Variants in ANKRD65 observed in about 807,000 individuals in gnomAD.
The protein encoded by ANKRD65 is ankyrin repeat domain 65, also known as ankyrin repeat domain-containing protein 65.
A neutral mutation model predicts 17.2 loss-of-function variants in ANKRD65; 26 were observed. That is an observed-to-expected ratio of 1.51 (90% confidence interval 1.11 to 2.09). ANKRD65 has a LOEUF of 2.09. Ranked by LOEUF, ANKRD65 falls within the 30% of genes most tolerant of loss-of-function variation. The pLI is 0.00. For synonymous variants in ANKRD65, 311 were observed against 272.2 expected, an observed-to-expected ratio of 1.14 and a Z score of -1.40; for missense variants, 621 against 542.2, an observed-to-expected ratio of 1.15 and a Z score of -1.44.
At position 1,420,575 on chromosome 1, in the gene ANKRD65, G is replaced by C. The variant is rs1645535588; in HGVS notation, c.227C>G (p.Thr76Ser). The C allele has an allele frequency of 7.3e-7, 1 of 1,376,274 alleles. No individual in the cohort carries two copies. Among genetic ancestry groups the C allele is most frequent in the East Asian group, 2.7e-5 (1 of 36,822 alleles). 85.3% of individuals were successfully genotyped at this position (1,376,274 alleles called of 1,614,324 possible). A position where few individuals can be genotyped will look rare whatever the true frequency, so the allele number is the denominator to read the frequency against. The change falls in exon 3 of 4, where the codon ACC (threonine) becomes AGC (serine). Residue 76 changes from threonine to serine, a missense_variant. Coordinates refer to ENST00000537107, the MANE Select transcript of ANKRD65 (RefSeq NM_001145210.3). Reference protein sequence around the residue: ...SVEERDHAGRTPLHLAVLRGH... With the variant: ...SVEERDHAGRSPLHLAVLRGH... The stretch of plus-strand genomic sequence containing the variant: ...CCGCAGCACGGCCAGGTGGAGCGGG[G>C]TCCGGCCTGCGTGGTCCCTGAGGAG...
At position 1,418,983 on chromosome 1, in the gene ANKRD65, C is replaced by T; in HGVS notation, c.*117G>A. ...ACTGCAGCTCAAGCCACATCCCCTA[C>T]TTTCTCCCATCCCCTCCTCCGGAAG... On this transcript the variant is annotated 3_prime_UTR_variant, in exon 4 of 4. Transcript: ENST00000537107. 1 of 1,218,512 alleles carries T rather than the reference C, an allele frequency of 8.2e-7. No homozygotes were observed. Among genetic ancestry groups the T allele is most frequent in the South Asian group, 1.6e-5 (1 of 60,892 alleles). 75.5% of individuals were successfully genotyped at this position (1,218,512 alleles called of 1,614,324 possible).
chr1:1,419,521 G>A lies in ANKRD65; in HGVS notation c.779C>T (p.Ala260Val), dbSNP rs1645506353. Residue 260 changes from alanine (A) to valine (V), a missense_variant, in exon 4 of 4, where the codon GCA becomes GTA. Physicochemically the swap from Ala to Val is moderately conservative, Grantham distance 64. Coordinates refer to ENST00000537107, the MANE Select transcript of ANKRD65 (RefSeq NM_001145210.3). ...ATGCCTGTCCCTGATGCCTGGGTCT[G>A]CCCCGTGGCCCAGCAGCACCTCAAT... ...QDIEVLLGHGADPGIRDRHGR... is the reference protein window; with the variant it reads ...QDIEVLLGHGVDPGIRDRHGR... 2 of 1,537,146 alleles carry A rather than the reference G, an allele frequency of 1.3e-6. No homozygotes were observed. The highest frequency in any genetic ancestry group is 2.4e-5 in the South Asian group (2 of 83,816).
rs1433530638 is a variant in ANKRD65, at chr1:1,419,309, T to C, written c.991A>G (p.Thr331Ala). 6.5e-7 allele frequency: 1 copy of C among 1,550,268 alleles called. No homozygotes were observed. The highest frequency in any genetic ancestry group is 2.4e-5 in the East Asian group (1 of 40,898). The change falls in exon 4 of 4, where the codon ACC becomes GCC. Residue 331 changes from threonine to alanine, a missense_variant. Coordinates refer to ENST00000537107, the MANE Select transcript of ANKRD65 (RefSeq NM_001145210.3). ...LLDRGAQVDA[T>A]GWLRKTPLHL... ...AGGGGGGTCTTTCGGAGCCAGCCGG[T>C]AGCATCCACCTGGGCACCCCTGTCC...
In ANKRD65 at chr1:1,420,368, T is replaced by A; in HGVS notation, c.434A>T (p.His145Leu). ...CGTGTGGCCCAGGGCAGCGGCCCAG[T>A]GCAGCGGCGTGAGGCCCGTCCCGGA... ...ARSGTGLTPLHWAAALGHTLL... is the reference protein window; with the variant it reads ...ARSGTGLTPLLWAAALGHTLL... The change falls in exon 3 of 4, where the codon CAC becomes CTC. Residue 145 changes from histidine to leucine, a missense_variant. Coordinates refer to ENST00000537107, the MANE Select transcript of ANKRD65 (RefSeq NM_001145210.3). The A allele has an allele frequency of 7.8e-7, 1 of 1,277,542 alleles. No individual in the cohort carries two copies. Among genetic ancestry groups the A allele is most frequent in the Non-Finnish European group, 9.9e-7 (1 of 1,005,314 alleles). The allele number at this position is 1,277,542 out of a possible 1,614,324, so 79.1% of individuals were successfully genotyped here.
At chr1:1,420,710 A>G in intron 2 of ANKRD65, 87 bp downstream of exon 2, 1 of 1,353,328 alleles carries the variant, frequency 7.4e-7, no homozygotes, top group East Asian at 3.3e-5. Context: ...CCATCCAGAG[A>G]AGGGACTCCT....
Position 1,419,113 on chromosome 1 carries a change from T to A in ANKRD65, c.1187A>T (p.Glu396Val), listed in dbSNP as rs546787962. The A allele has an allele frequency of 8.9e-5, 134 of 1,513,232 alleles. No homozygotes were observed. In the African/African-American group the frequency reaches 1.7e-3, roughly 19 times the overall value. 93.7% of individuals were successfully genotyped at this position (1,513,232 alleles called of 1,614,324 possible). Residue 396 changes from glutamate to valine, a missense_variant, in exon 4 of 4, where the codon GAG (glutamate) becomes GTG (valine). Physicochemically the swap from Glu to Val is moderately radical, Grantham distance 121. Coordinates refer to ENST00000537107, the MANE Select transcript of ANKRD65 (RefSeq NM_001145210.3). ...GGGEKECEGIESTG is the reference protein window; with the variant it reads ...GGGEKECEGIVSTG ...CTGCTGTCTGGCTCAGCCCGTGGACTCTATGCCCTCACACTCCTTCTCCCC... is the reference window on the plus strand; with the variant it reads ...CTGCTGTCTGGCTCAGCCCGTGGACACTATGCCCTCACACTCCTTCTCCCC...
At chr1:1,420,751 G>T in intron 2 of ANKRD65, 46 bp downstream of exon 2, 1 of 1,488,042 alleles carries the variant, frequency 6.7e-7, no homozygotes, top group African/African-American at 1.4e-5. Flanking sequence ...CCCCCATCCT[G>T]CCCCACCCAG....
rs2100426826 is a variant in ANKRD65, at chr1:1,420,676, CAG to C, written c.210-86_210-85del. 7 of 1,363,910 alleles carry C rather than the reference CAG, an allele frequency of 5.1e-6. No individual in the cohort carries two copies. The South Asian group carries it at 6.4e-5, about 12-fold the overall frequency. The allele number at this position is 1,363,910 out of a possible 1,614,324, so 84.5% of individuals were successfully genotyped here. On this transcript the variant is annotated intron_variant, in intron 2 of 3. Coordinates refer to ENST00000537107, the MANE Select transcript of ANKRD65 (RefSeq NM_001145210.3). ...GCCCCACCCCGTCCTGCCGCCCACC[CAG>C]CGCTGGGACCCCCGTCCTACCCCAT...
In ANKRD65 at chr1:1,420,063, C is replaced by CCTT. The variant is rs1271132101; in HGVS notation, c.738_739insAAG (p.Leu246_Gly247insLys). 7.8e-7 allele frequency: 1 copy of CCTT among 1,288,260 alleles called. No homozygotes were observed. The highest frequency in any genetic ancestry group is 9.8e-7 in the Non-Finnish European group (1 of 1,019,604). 79.8% of individuals were successfully genotyped at this position (1,288,260 alleles called of 1,614,324 possible). ...AGGGCGGGACGTACCTGGGAGCGGC[C>CCTT]TAGGGCGGCCGCCAGACCCAGCGCT... On this transcript the variant is annotated inframe_insertion, in exon 3 of 4. Coordinates refer to ENST00000537107, the MANE Select transcript of ANKRD65 (RefSeq NM_001145210.3).
chr1:1,419,074 G>T lies in ANKRD65; in HGVS notation c.*26C>A. 2 of 1,463,456 alleles carry T rather than the reference G, an allele frequency of 1.4e-6. No individual in the cohort carries two copies. The highest frequency in any genetic ancestry group is 1.8e-6 in the Non-Finnish European group (2 of 1,100,642). The allele number at this position is 1,463,456 out of a possible 1,614,324, so 90.7% of individuals were successfully genotyped here. The stretch of plus-strand genomic sequence containing the variant: ...AGAGAGCCTGGAAATCACTGGGGCG[G>T]TGGAGCCTGGAGCCTGCTGTCTGGC... On this transcript the variant is annotated 3_prime_UTR_variant, in exon 4 of 4. Transcript: ENST00000537107.
chr1:1,420,829 C>T lies in ANKRD65; in HGVS notation c.177G>A (p.Gln59=). 1 of 1,549,020 alleles carries T rather than the reference C, an allele frequency of 6.5e-7. No homozygotes were observed. The highest frequency in any genetic ancestry group is 8.7e-7 in the Non-Finnish European group (1 of 1,146,790). Reference sequence around the variant, plus strand: ...CCACGCTGGCACCTTGCCGCAGCAGCTGCGTCACCAGGCCTGCAGGGCCCC... The same window carrying T: ...CCACGCTGGCACCTTGCCGCAGCAGTTGCGTCACCAGGCCTGCAGGGCCCC... The part of the protein sequence containing the change: ...VWRGPAGLVT[Q]LLRQGASVEE... The change falls in exon 2 of 4, where the codon CAG becomes CAA. Residue 59 remains glutamine, a synonymous_variant. Transcript: ENST00000537107.
chr1:1,419,481 C>T lies in ANKRD65; in HGVS notation c.819G>A (p.Leu273=). ...GGTGTCCTCGGGCGGCAGCCCTGTGCAGCGCAGAGCGGCCATGCCTGTCCC... is the reference window on the plus strand; with the variant it reads ...GGTGTCCTCGGGCGGCAGCCCTGTGTAGCGCAGAGCGGCCATGCCTGTCCC... ...GIRDRHGRSA[L]HRAAARGHLL... Residue 273 remains leucine (L), a synonymous_variant, in exon 4 of 4, where the codon CTG becomes CTA. Coordinates refer to ENST00000537107, the MANE Select transcript of ANKRD65 (RefSeq NM_001145210.3). 4 of 1,546,842 alleles carry T rather than the reference C, an allele frequency of 2.6e-6. No homozygotes were observed. The highest frequency in any genetic ancestry group is 3.9e-5 in the Admixed American group (2 of 50,990).
chr1:1,420,488 C>T lies in ANKRD65; in HGVS notation c.314G>A (p.Arg105Gln), dbSNP rs1056359341. 16 of 1,273,400 alleles carry T rather than the reference C, an allele frequency of 1.3e-5. No homozygotes were observed. Among genetic ancestry groups the T allele is most frequent in the African/African-American group, 7.8e-5 (5 of 63,990 alleles). The allele number at this position is 1,273,400 out of a possible 1,614,324, so 78.9% of individuals were successfully genotyped here. The change falls in exon 3 of 4, where the codon CGG (arginine) becomes CAG (glutamine). Residue 105 changes from arginine to glutamine, a missense_variant. Arg to Gln is a conservative substitution (Grantham distance 43). Transcript: ENST00000537107. ...QRGAPVGAVD[R>Q]AGRTALHEAA... ...CTCGTGCAGCGCGGTGCGCCCCGCCCGGTCCACCGCGCCCACCGGGGCCCC... is the reference window on the plus strand; with the variant it reads ...CTCGTGCAGCGCGGTGCGCCCCGCCTGGTCCACCGCGCCCACCGGGGCCCC...
rs1389536565 is a variant in ANKRD65, at chr1:1,420,178, G to T, written c.624C>A (p.Leu208=). Residue 208 remains leucine, a synonymous_variant, in exon 3 of 4, where the codon CTC becomes CTA. Coordinates refer to ENST00000537107, the MANE Select transcript of ANKRD65 (RefSeq NM_001145210.3). Reference sequence around the variant, plus strand: ...CCCCGCGCCCCGCAGCGGCAGCCACGAGCAGGGCGCCGTCCAGGCCCGCGC... The same window carrying T: ...CCCCGCGCCCCGCAGCGGCAGCCACTAGCAGGGCGCCGTCCAGGCCCGCGC... ...AGGAGLDGAL[L]VAAAAGRGAA... is the part of the protein sequence containing the mutation. 2 of 1,074,952 alleles carry T rather than the reference G, an allele frequency of 1.9e-6. No homozygotes were observed. The highest frequency in any genetic ancestry group is 2.2e-6 in the Non-Finnish European group (2 of 890,744). The allele number at this position is 1,074,952 out of a possible 1,614,324, so 66.6% of individuals were successfully genotyped here. A position where few individuals can be genotyped will look rare whatever the true frequency, so the allele number is the denominator to read the frequency against.
At chr1:1,420,704 C>T (rs1645539884) in intron 2 of ANKRD65, 93 bp downstream of exon 2, 2 of 1,296,014 alleles carry the variant, frequency 1.5e-6, no homozygotes, top group Admixed American at 2.7e-5. Flanking sequence ...CCTACCCCAT[C>T]CAGAGAAGGG....
rs757416287 is a variant in ANKRD65, at chr1:1,420,051, C to G, written c.750+1G>C. The G allele has an allele frequency of 7.8e-7, 1 of 1,278,598 alleles. No homozygotes were observed. Among genetic ancestry groups the G allele is most frequent in the Non-Finnish European group, 9.9e-7 (1 of 1,013,320 alleles). 79.2% of individuals were successfully genotyped at this position (1,278,598 alleles called of 1,614,324 possible). ...ACTGCCGGGCGGAGGGCGGGACGTA[C>G]CTGGGAGCGGCCTAGGGCGGCCGCC... On this transcript the variant is annotated splice_donor_variant, in intron 3 of 3. Transcript: ENST00000537107. LOFTEE classifies it high-confidence loss of function.
In ANKRD65 at chr1:1,418,565, A is replaced by G. The variant is rs1459230454; in HGVS notation, c.*535T>C. The G allele has an allele frequency of 6.6e-6, 1 of 152,408 alleles. No homozygotes were observed. The highest frequency in any genetic ancestry group is 1.9e-4 in the East Asian group (1 of 5,206). The allele number at this position is 152,408 out of a possible 1,614,324, so 9.4% of individuals were successfully genotyped here. A position where few individuals can be genotyped will look rare whatever the true frequency, so the allele number is the denominator to read the frequency against. ...TGAAAGGGTCGTCATTGATTTGAGC[A>G]AGCAGGCGGTACGTGACAGGGGCTG... On this transcript the variant is annotated 3_prime_UTR_variant, in exon 4 of 4. Coordinates refer to ENST00000537107, the MANE Select transcript of ANKRD65 (RefSeq NM_001145210.3).
rs1482684660 is a variant in ANKRD65, at chr1:1,420,149, G to A, written c.653C>T (p.Ala218Val). Residue 218 changes from alanine to valine, a missense_variant, in exon 3 of 4, where the codon GCG (alanine) becomes GTG (valine). Coordinates refer to ENST00000537107, the MANE Select transcript of ANKRD65 (RefSeq NM_001145210.3). ...LVAAAAGRGA[A>V]LRFLLARGAR... ...CCCGCGCGCCAGGAGGAAGCGCAGC[G>A]CCGCCCCGCGCCCCGCAGCGGCAGC... 5 of 1,183,770 alleles carry A rather than the reference G, an allele frequency of 4.2e-6. No homozygotes were observed. Among genetic ancestry groups the A allele is most frequent in the Non-Finnish European group, 5.2e-6 (5 of 958,574 alleles). 73.3% of individuals were successfully genotyped at this position (1,183,770 alleles called of 1,614,324 possible).
chr1:1,419,940 T>TC lies in ANKRD65; in HGVS notation c.750+111dup. 2.7e-6 allele frequency: 3 copies of TC among 1,131,188 alleles called. No homozygotes were observed. The South Asian group carries it at 1.0e-4, about 40-fold the overall frequency. 70.1% of individuals were successfully genotyped at this position (1,131,188 alleles called of 1,614,324 possible). A position where few individuals can be genotyped will look rare whatever the true frequency, so the allele number is the denominator to read the frequency against. ...ACAGCCGGGGGCGCGCTCAGGGCCT[T>TC]CGTGCCTGGACACCGTCCCCCAGCC... On this transcript the variant is annotated intron_variant, in intron 3 of 3. Coordinates refer to ENST00000537107, the MANE Select transcript of ANKRD65 (RefSeq NM_001145210.3).
Sources: gnomAD v4.1 joint callset for allele counts on GRCh38, gnomAD v4.1.1 for gene constraint, MANE v1.5 for transcripts, NCBI Gene and HGNC (gene_info 2026-07-23, HGNC 2026-07-21) for gene names.